NCAPD2: variants seen among roughly 807,000 people sequenced by gnomAD.
NCAPD2 encodes the protein condensin complex subunit 1.
NCAPD2 carries 100 observed loss-of-function variants against 164.5 expected under a neutral mutation model. The observed-to-expected ratio is 0.61, with a 90% CI of 0.52 to 0.72. The LOEUF is 0.72. Ranked by LOEUF, NCAPD2 falls within the 30% of genes least tolerant of loss-of-function variation. The probability of loss-of-function intolerance (pLI) is 0.00; values close to 1 mark genes in which losing one functional copy is unlikely to be tolerated. For missense variants in NCAPD2, 1,560 were observed against 1,749.2 expected (o/e 0.89, Z 1.93); for synonymous variants, 585 against 642.6 (o/e 0.91, Z 1.36).
chr12:6,494,365 A>T (rs1295690398), intron 1 of NCAPD2, among the ~76,000 whole-genome samples: 1 of 39,226 alleles, frequency 2.5e-5, no homozygotes, highest in African/African-American at 2.0e-4. Flanking sequence ...ATCGCTTAAC[A>T]GATCCGCAAC....
At chr12:6,512,995 T>A (rs1358311206) in intron 6 of NCAPD2, among the ~76,000 whole-genome samples, 4 of 152,102 alleles carry the variant, frequency 2.6e-5, no homozygotes, top group African/African-American at 9.7e-5. Context: ...AGGCTGTGAA[T>A]AGGTGTTTTG....
chr12:6,530,811 T>C lies in NCAPD2; in HGVS notation c.3958T>C (p.Ser1320Pro). ...SQRAPSAKKP[S>P]TGSRYQPLAS... ...GAGAGCGCCATCAGCCAAGAAACCA[T>C]CCACTGGTACGTAAGGCAGCCTGTG... The change falls in exon 30 of 32, where the codon TCC becomes CCC. Residue 1320 changes from serine (S) to proline (P), a missense_variant. By Grantham distance (74) the Ser-to-Pro change is moderately conservative. Coordinates refer to ENST00000315579, the MANE Select transcript of NCAPD2 (RefSeq NM_014865.4). 6.2e-7 allele frequency: 1 copy of C among 1,614,136 alleles called. No individual in the cohort carries two copies. Among genetic ancestry groups the C allele is most frequent in the Non-Finnish European group, 8.5e-7 (1 of 1,180,028 alleles).
Position 6,530,125 on chromosome 12 carries a change from G to A in NCAPD2, c.3837+167G>A, listed in dbSNP as rs78618951. Among the ~76,000 whole-genome samples the A allele has an allele frequency of 8.1e-3, 1,230 of 152,324 alleles. 12 individuals are homozygous for A. The highest frequency in any genetic ancestry group is 0.028 in the African/African-American group (1,173 of 41,570). ...ACCTAAGACCAGATCTTTGTCTCCA[G>A]TTCTTTTTTTATTACTCCAAAAACA... On this transcript the variant is annotated intron_variant, in intron 29 of 31. Coordinates refer to ENST00000315579, the MANE Select transcript of NCAPD2 (RefSeq NM_014865.4).
chr12:6,524,898 C>T (rs1051363506), intron 17 of NCAPD2, among the ~76,000 whole-genome samples: 4 of 152,114 alleles, frequency 2.6e-5, no homozygotes, highest in African/African-American at 9.7e-5. Flanking sequence ...AAGAAAAGAG[C>T]CTGGTGGTGG....
At chr12:6,508,813 A>G (rs1946120439) in intron 2 of NCAPD2, among the ~76,000 whole-genome samples, 2 of 152,328 alleles carry the variant, frequency 1.3e-5, no homozygotes, top group East Asian at 3.9e-4. Context: ...GTAATAAGAC[A>G]TTCACTTCAT....
In NCAPD2 at chr12:6,531,143, T is replaced by G; in HGVS notation, c.4120+67T>G. On this transcript the variant is annotated intron_variant, in intron 31 of 31. Transcript: ENST00000315579. The surrounding 1 kb of genome is among the most constrained non-coding windows in gnomAD (Gnocchi z 4.1). ...CTAGGGTGCAGAGGGCTGGTTTCCA[T>G]AGGACCTGCTGCGGGGGCCTGAGTG... is the stretch of plus-strand genomic sequence containing the variant. 6.3e-7 allele frequency: 1 copy of G among 1,594,142 alleles called. No individual in the cohort carries two copies.
chr12:6,516,908 A>G lies in NCAPD2; in HGVS notation c.1068A>G (p.Ala356=), dbSNP rs1946206778. 6.2e-7 allele frequency: 1 copy of G among 1,614,100 alleles called. No homozygotes were observed. Among genetic ancestry groups the G allele is most frequent in the Non-Finnish European group, 8.5e-7 (1 of 1,180,046 alleles). ...TTCTCAGTGGCGATCAACTGGAAGC[A>G]GCAGCCCGAGACACCAGAGACCAGT... ...LQVLSGDQLE[A]AARDTRDQFL... is the part of the protein sequence containing the mutation. Residue 356 remains alanine (A), a synonymous_variant, in exon 10 of 32, where the codon GCA becomes GCG. Transcript: ENST00000315579.
In NCAPD2 at chr12:6,510,071, A is replaced by G. The variant is rs747967313; in HGVS notation, c.204-4A>G. On this transcript the variant is annotated splice_polypyrimidine_tract_variant and splice_region_variant and intron_variant, in intron 3 of 31. Transcript: ENST00000315579. ...CTCACCCCCACACTTTCTTTCCCTC[A>G]TAGTCACTTTCGAAGTATAGATCCT... 52 of 1,612,768 alleles carry G rather than the reference A, an allele frequency of 3.2e-5. No individual in the cohort carries two copies. The Admixed American group carries it at 7.8e-4, about 24-fold the overall frequency.
chr12:6,515,927 C>G (rs577207901), intron 9 of NCAPD2, among the ~76,000 whole-genome samples: 1 of 152,170 alleles, frequency 6.6e-6, no homozygotes, highest in East Asian at 1.9e-4. Context: ...TGTGGTGGCT[C>G]ACGCCTGTAA....
At chr12:6,514,087 G>A (rs1946177049) in intron 6 of NCAPD2, among the ~76,000 whole-genome samples, 178 bp from the exon 7 acceptor site, 1 of 152,106 alleles carries the variant, frequency 6.6e-6, no homozygotes, top group Non-Finnish European at 1.5e-5. Context: ...TGGTAATCTT[G>A]AAGGAAGGAG....
chr12:6,524,170 A>T (rs996567278), intron 17 of NCAPD2, among the ~76,000 whole-genome samples: 3 of 152,066 alleles, frequency 2.0e-5, no homozygotes, highest in African/African-American at 7.2e-5. Context: ...TAGGAAAGAG[A>T]GCGGTTTGGG....
chr12:6,522,946 A>G lies in NCAPD2; in HGVS notation c.2073A>G (p.Glu691=). Reference sequence around the variant, plus strand: ...GGTCTAAGGAGCCTGGTGTCCGGGAAGCCGTGCTTAATGCCTACCGCCAAC... The same window carrying G: ...GGTCTAAGGAGCCTGGTGTCCGGGAGGCCGTGCTTAATGCCTACCGCCAAC... ...LIWSKEPGVR[E]AVLNAYRQLY... The change falls in exon 16 of 32, where the codon GAA becomes GAG. Residue 691 remains glutamate (E), a synonymous_variant. Coordinates refer to ENST00000315579, the MANE Select transcript of NCAPD2 (RefSeq NM_014865.4). 1 of 1,614,174 alleles carries G rather than the reference A, an allele frequency of 6.2e-7. No homozygotes were observed. The highest frequency in any genetic ancestry group is 2.2e-5 in the East Asian group (1 of 44,876).
intron 27 of NCAPD2, 161 bp from the exon 28 acceptor site, chr12:6,529,352 C>G (rs914650414): frequency 2.9e-6 from 2 of 686,362 alleles, no homozygotes; most frequent in East Asian, 5.4e-5. Context: ...TGGGGTCCCT[C>G]TCTGCTGAAT....
chr12:6,515,787 G>A (rs1005319689), intron 9 of NCAPD2, among the ~76,000 whole-genome samples: 11 of 152,062 alleles, frequency 7.2e-5, no homozygotes, highest in African/African-American at 2.2e-4. Context: ...ATTATGTATT[G>A]GACTTGCTGG....
At chr12:6,501,005 G>A (rs1465113380) in intron 2 of NCAPD2, among the ~76,000 whole-genome samples, 2 of 151,838 alleles carry the variant, frequency 1.3e-5, no homozygotes, top group African/African-American at 4.8e-5. Flanking sequence ...TGATGGATTG[G>A]ATTGGATTAT....
chr12:6,522,131 C>G, intron 15 of NCAPD2, 94 bp downstream of exon 15: 1 of 1,373,582 alleles, frequency 7.3e-7, no homozygotes, highest in Non-Finnish European at 9.8e-7. Context: ...ATGGGGCCTT[C>G]CTTTGTTGCT....
At chr12:6,529,332 G>A (rs528588650) in intron 27 of NCAPD2, 181 bp from the exon 28 acceptor site, 13 of 642,444 alleles carry the variant, frequency 2.0e-5, no homozygotes, top group Non-Finnish European at 3.2e-5. Context: ...TTCCTGAGCC[G>A]GGGGCGGGGT....
chr12:6,522,118 G>C (rs776746424), intron 15 of NCAPD2, 81 bp downstream of exon 15: 22 of 1,450,400 alleles, frequency 1.5e-5, no homozygotes, highest in Non-Finnish European at 2.0e-5. Flanking sequence ...ATTAACAATA[G>C]AGATGGGGCC....
chr12:6,503,624 A>T (rs1467005896), intron 2 of NCAPD2, among the ~76,000 whole-genome samples: 3 of 152,076 alleles, frequency 2.0e-5, no homozygotes, highest in African/African-American at 7.2e-5. Flanking sequence ...ACAAAAAATT[A>T]GCCGGGTGTG....
Sources: allele counts gnomAD v4.1 joint callset (sites outside exome capture counted in the v4.1 genomes callset), GRCh38; gene constraint gnomAD v4.1.1; non-coding constraint Gnocchi (gnomAD v3.1); transcripts MANE v1.5; gene names NCBI Gene and HGNC (gene_info 2026-07-23, HGNC 2026-07-21).